Variants in SGIP1 observed in about 807,000 individuals in gnomAD.
SGIP1 encodes SH3-containing GRB2-like protein 3-interacting protein 1.
SGIP1 carries 38 observed loss-of-function variants against 107.5 expected under a neutral mutation model. The observed-to-expected ratio is 0.35, with a 90% CI of 0.27 to 0.46. The LOEUF (loss-of-function observed/expected upper bound fraction) is 0.46. Among genes scored for constraint, SGIP1 ranks in the 20% least tolerant of loss-of-function variants. The probability of loss-of-function intolerance (pLI) is 1.00; values close to 1 mark genes in which losing one functional copy is unlikely to be tolerated. For synonymous variants in SGIP1, 365 were observed against 366.1 expected, an observed-to-expected ratio of 1.00 and a Z score of 0.03; for missense variants, 929 against 1,019.5, an observed-to-expected ratio of 0.91 and a Z score of 1.21.
chr1:66,693,470 G>C lies in SGIP1; in HGVS notation c.1571-1964G>C, dbSNP rs543798208. 1.8e-4 allele frequency among the ~76,000 whole-genome samples: 28 copies of C among 152,200 alleles called. 1 individual carries two copies. The East Asian group carries it at 4.4e-3, about 24-fold the overall frequency. ...TAATGAGGAATATTATCATTAAATT[G>C]TAAATATGGAGTCAAGCTAATAGAA... On this transcript the variant is annotated intron_variant, in intron 17 of 24. Transcript: ENST00000371037.
chr1:66,692,630 G>A (rs188365412), intron 17 of SGIP1, among the ~76,000 whole-genome samples: 1 of 152,162 alleles, frequency 6.6e-6, no homozygotes, highest in Non-Finnish European at 1.5e-5. Context: ...TAGTCAAATG[G>A]TGTGAGGGAG....
At chr1:66,641,507 C>A (rs1214018269) in intron 5 of SGIP1, among the ~76,000 whole-genome samples, 1 of 152,112 alleles carries the variant, frequency 6.6e-6, no homozygotes, top group Non-Finnish European at 1.5e-5. Context: ...TCTTCCTCCC[C>A]TCTAGGACAT....
intron 24 of SGIP1, among the ~76,000 whole-genome samples, chr1:66,742,054 A>C (rs1422479944): frequency 1.3e-5 from 2 of 152,172 alleles, no homozygotes; most frequent in Non-Finnish European, 2.9e-5. Context: ...GCGGTGAGCC[A>C]CCGCACCCAG....
chr1:66,722,399 G>C (rs894263488), intron 19 of SGIP1, among the ~76,000 whole-genome samples: 3 of 151,952 alleles, frequency 2.0e-5, no homozygotes, highest in East Asian at 3.8e-4. Flanking sequence ...TTATGTTGTT[G>C]TTGTCCATTA....
In SGIP1 at chr1:66,590,448, T is replaced by A. The variant is rs528736880; in HGVS notation, c.11-35399T>A. ...TATATCAGAATTTATTTTATTTTAC[T>A]TTTTATTTTTACTTTTTACAGAGAT... is the stretch of plus-strand genomic sequence containing the variant. On this transcript the variant is annotated intron_variant, in intron 1 of 24. Transcript: ENST00000371037. The A allele has an allele frequency of 3.3e-5, 5 of 152,310 alleles. No individual in the cohort carries two copies. The South Asian group carries it at 1.0e-3, about 32-fold the overall frequency. The allele number at this position is 152,310 out of a possible 1,614,324, so 9.4% of individuals were successfully genotyped here. A position where few individuals can be genotyped will look rare whatever the true frequency, so the allele number is the denominator to read the frequency against.
At chr1:66,738,361 C>T (rs75066779) in intron 21 of SGIP1, among the ~76,000 whole-genome samples, 2,232 of 152,224 alleles carry the variant, frequency 0.015, 20 homozygotes, top group Non-Finnish European at 0.02. Context: ...TCATCACAGT[C>T]CATGAATAAA....
At chr1:66,569,511 G>A (rs1200064585) in intron 1 of SGIP1, among the ~76,000 whole-genome samples, 1 of 151,630 alleles carries the variant, frequency 6.6e-6, no homozygotes, top group African/African-American at 2.4e-5. Context: ...TTCTTCTTTA[G>A]CCTGTTGATG....
At chr1:66,639,395 G>A (rs2076363022) in intron 4 of SGIP1, among the ~76,000 whole-genome samples, 1 of 152,150 alleles carries the variant, frequency 6.6e-6, no homozygotes, top group African/African-American at 2.4e-5. Context: ...ATAGCAGCAT[G>A]GAGGTAAAAG....
chr1:66,640,193 T>A (rs943920164), intron 5 of SGIP1, among the ~76,000 whole-genome samples: 4 of 152,130 alleles, frequency 2.6e-5, no homozygotes, highest in Non-Finnish European at 5.9e-5. Context: ...ATATCAGCTG[T>A]GTGTGGCCTT....
At chr1:66,730,352 A>G (rs2093951021) in intron 20 of SGIP1, among the ~76,000 whole-genome samples, 1 of 152,200 alleles carries the variant, frequency 6.6e-6, no homozygotes, top group African/African-American at 2.4e-5. Flanking sequence ...ACAAACCCAC[A>G]TGCATGCATG....
At chr1:66,562,059 G>T (rs1379046070) in intron 1 of SGIP1, among the ~76,000 whole-genome samples, 1 of 151,492 alleles carries the variant, frequency 6.6e-6, no homozygotes, top group Non-Finnish European at 1.5e-5. Flanking sequence ...GATTTCTTCT[G>T]TATCAGTTTA....
At position 66,682,127 on chromosome 1, in the gene SGIP1, C is replaced by T. The variant is rs537403333; in HGVS notation, c.1073C>T (p.Thr358Ile). The T allele has an allele frequency of 4.0e-5, 64 of 1,613,732 alleles. 3 individuals carry two copies. The South Asian group carries it at 6.8e-4, about 17-fold the overall frequency. ...APGPLGPPGP[T>I]GPPGPPGPPR... ...GGCCCTCTCGGCCCCCCAGGTCCCA[C>T]AGGCCCCCCAGGGCCTCCTGGGCCT... The change falls in exon 15 of 25, where the codon ACA becomes ATA. Residue 358 changes from threonine to isoleucine, a missense_variant. Thr to Ile is a moderately conservative substitution (Grantham distance 89, BLOSUM62 -1). Transcript: ENST00000371037.
At chr1:66,656,111 T>C (rs879470674) in intron 7 of SGIP1, among the ~76,000 whole-genome samples, 4 of 152,228 alleles carry the variant, frequency 2.6e-5, no homozygotes, top group Non-Finnish European at 4.4e-5. Context: ...TAAAAATTTT[T>C]CTTTTCACTT....
intron 14 of SGIP1, among the ~76,000 whole-genome samples, chr1:66,680,164 A>G (rs6588216): frequency 0.27 from 41,336 of 152,126 alleles, 5,759 homozygotes; most frequent in Admixed American, 0.3. Flanking sequence ...TATCTAGTCT[A>G]TGAAGACATA....
intron 17 of SGIP1, among the ~76,000 whole-genome samples, chr1:66,690,898 C>T (rs2089685376): frequency 6.6e-6 from 1 of 152,048 alleles, no homozygotes; most frequent in South Asian, 2.1e-4. Context: ...CAGGAAATGC[C>T]TTTATGCCTC....
intron 3 of SGIP1, chr1:66,634,305 G>T: frequency 1.5e-6 from 1 of 663,840 alleles, no homozygotes; most frequent in Non-Finnish European, 2.6e-6. Context: ...GCTATTCCTT[G>T]CTTCTCTACC....
intron 7 of SGIP1, among the ~76,000 whole-genome samples, chr1:66,659,473 C>G (rs2080446481): frequency 6.6e-6 from 1 of 152,198 alleles, no homozygotes; most frequent in South Asian, 2.1e-4. Flanking sequence ...GAAACTGGAG[C>G]TTCTGGAAAG....
chr1:66,652,271 A>G (rs529373204), intron 7 of SGIP1, among the ~76,000 whole-genome samples: 6 of 152,276 alleles, frequency 3.9e-5, no homozygotes, highest in South Asian at 2.1e-4. Context: ...TTAAATATCA[A>G]TCACCTTCTC....
At chr1:66,627,015 GA>G (rs1391393784) in intron 2 of SGIP1, among the ~76,000 whole-genome samples, 1 of 152,088 alleles carries the variant, frequency 6.6e-6, no homozygotes, top group Non-Finnish European at 1.5e-5. Flanking sequence ...TATGATTCAT[GA>G]GATAAAATAT....
Sources: gnomAD v4.1 joint callset for allele counts (sites outside exome capture counted in the v4.1 genomes callset) on GRCh38, gnomAD v4.1.1 for gene constraint, MANE v1.5 for transcripts, NCBI Gene and HGNC (gene_info 2026-07-23, HGNC 2026-07-21) for gene names.